The following PRR19 variants were observed in gnomAD, a reference collection of about 807,000 sequenced individuals.
The protein encoded by PRR19 is proline-rich protein 19.
Under a neutral mutation model 19.2 loss-of-function variants are expected in PRR19, and 9 were observed. The ratio of observed to expected loss-of-function variants is 0.47; its 90% CI spans 0.28 to 0.82. The LOEUF is 0.82. Ranked by LOEUF, PRR19 falls within the 40% of genes least tolerant of loss-of-function variation. The pLI is 0.11. For missense variants in PRR19, 457 were observed against 466.0 expected (o/e 0.98, Z 0.18); for synonymous variants, 190 against 191.0 (o/e 0.99, Z 0.04).
At chr19:42,306,981 G>A (rs1326497215) in intron 1 of PRR19, 1 of 152,298 alleles carries the variant, frequency 6.6e-6, no homozygotes, top group Admixed American at 6.5e-5. Context: ...AGCGCCAGGT[G>A]ACTTCGAGAG....
chr19:42,305,874 A>G (rs1024282537), intron 1 of PRR19, among the ~76,000 whole-genome samples: 2 of 152,106 alleles, frequency 1.3e-5, no homozygotes, highest in East Asian at 1.9e-4. Context: ...TCACAACACT[A>G]CACTAACTTT....
In PRR19 at chr19:42,302,213, C is replaced by T; in HGVS notation, c.-297C>T. Reference sequence around the variant, plus strand: ...CCCGCGCCCCCGGACTCCTCAATATCCCAGGTGGGAACGCTCACCAGGGAC... The same window carrying T: ...CCCGCGCCCCCGGACTCCTCAATATTCCAGGTGGGAACGCTCACCAGGGAC... On this transcript the variant is annotated 5_prime_UTR_variant, in exon 1 of 3. Coordinates refer to ENST00000341747, the MANE Select transcript of PRR19 (RefSeq NM_199285.3). 1 of 1,577,734 alleles carries T rather than the reference C, an allele frequency of 6.3e-7. No individual in the cohort carries two copies. Among genetic ancestry groups the T allele is most frequent in the Non-Finnish European group, 8.6e-7 (1 of 1,161,584 alleles).
chr19:42,302,147 T>A lies in PRR19; in HGVS notation c.-363T>A. 1.3e-6 allele frequency: 2 copies of A among 1,487,854 alleles called. No homozygotes were observed. Among genetic ancestry groups the A allele is most frequent in the Non-Finnish European group, 1.8e-6 (2 of 1,090,986 alleles). The allele number at this position is 1,487,854 out of a possible 1,614,324, so 92.2% of individuals were successfully genotyped here. On this transcript the variant is annotated 5_prime_UTR_variant, in exon 1 of 3. Transcript: ENST00000341747. Reference sequence around the variant, plus strand: ...AACTGCCCTCAGTTTCCCAATCAGGTAGTGAGAGTGGCACGAACCAGCCGT... The same window carrying A: ...AACTGCCCTCAGTTTCCCAATCAGGAAGTGAGAGTGGCACGAACCAGCCGT...
At chr19:42,307,795 T>C (rs921331993) in intron 1 of PRR19, among the ~76,000 whole-genome samples, 9 of 124,524 alleles carry the variant, frequency 7.2e-5, no homozygotes, top group Non-Finnish European at 1.1e-4. Context: ...TCTCGCTCGG[T>C]CATCCAGGCT....
At chr19:42,304,697 C>A (rs1448682255) in intron 1 of PRR19, among the ~76,000 whole-genome samples, 1 of 146,132 alleles carries the variant, frequency 6.8e-6, no homozygotes, top group East Asian at 2.1e-4. Flanking sequence ...TTGCAGTGAG[C>A]CGAGATGGCA....
intron 1 of PRR19, among the ~76,000 whole-genome samples, chr19:42,306,556 T>C (rs1413948743): frequency 6.6e-6 from 1 of 150,914 alleles, no homozygotes; most frequent in Non-Finnish European, 1.5e-5. Context: ...CTCCTGCCTC[T>C]GCCTCCCAAA....
Position 42,302,371 on chromosome 19 carries a change from A to C in PRR19, c.-139A>C. On this transcript the variant is annotated 5_prime_UTR_variant, in exon 1 of 3. Transcript: ENST00000341747. ...GTCGGCCCGGGAGTGTTCCGAACGG[A>C]GCTGGCTCCGCCACGCCCACTCCTA... 6.8e-7 allele frequency: 1 copy of C among 1,464,270 alleles called. No individual in the cohort carries two copies. Among genetic ancestry groups the C allele is most frequent in the Non-Finnish European group, 9.2e-7 (1 of 1,082,578 alleles). The allele number at this position is 1,464,270 out of a possible 1,614,324, so 90.7% of individuals were successfully genotyped here.
At position 42,302,184 on chromosome 19, in the gene PRR19, AC is replaced by A. The variant is rs776682968; in HGVS notation, c.-320del. 1.7e-5 allele frequency: 26 copies of A among 1,533,660 alleles called. No homozygotes were observed. Among genetic ancestry groups the A allele is most frequent in the Middle Eastern group, 1.7e-4 (1 of 5,976 alleles). On this transcript the variant is annotated 5_prime_UTR_variant, in exon 1 of 3. Coordinates refer to ENST00000341747, the MANE Select transcript of PRR19 (RefSeq NM_199285.3). The stretch of plus-strand genomic sequence containing the variant: ...CACGAACCAGCCGTTCTCCTGAGCC[AC>A]CCCCCGCGCCCCCGGACTCCTCAAT...
intron 1 of PRR19, among the ~76,000 whole-genome samples, chr19:42,308,390 CTTT>C (rs774768445): frequency 1.7e-5 from 2 of 119,312 alleles, no homozygotes; most frequent in Non-Finnish European, 3.5e-5. Context: ...CCGAATCCAG[CTTT>C]TTTTTTTTTT....
chr19:42,304,984 G>A (rs775941284), intron 1 of PRR19, among the ~76,000 whole-genome samples: 11 of 151,876 alleles, frequency 7.2e-5, no homozygotes, highest in Non-Finnish European at 1.6e-4. Flanking sequence ...GAGGTGGGCA[G>A]ATCACTTGGC....
chr19:42,303,062 T>TGGGG (rs534982041), intron 1 of PRR19, among the ~76,000 whole-genome samples: 7 of 115,216 alleles, frequency 6.1e-5, no homozygotes, highest in African/African-American at 2.2e-4. Flanking sequence ...CAAAACACCG[T>TGGGG]GGGTGTGTGT....
chr19:42,310,110 C>T lies in PRR19; in HGVS notation c.526C>T (p.His176Tyr). 1.9e-6 allele frequency: 3 copies of T among 1,614,090 alleles called. No individual in the cohort carries two copies. The highest frequency in any genetic ancestry group is 1.6e-4 in the Middle Eastern group (1 of 6,062). Residue 176 changes from histidine to tyrosine, a missense_variant, in exon 2 of 3, where the codon CAC becomes TAC. His to Tyr is a moderately conservative substitution (Grantham distance 83, BLOSUM62 2). Coordinates refer to ENST00000341747, the MANE Select transcript of PRR19 (RefSeq NM_199285.3). The part of the protein sequence containing the change: ...LIQDARDAIV[H>Y]TLQACHGCVP... ...TCAGGATGCCAGGGATGCCATCGTG[C>T]ACACCTTGCAGGCCTGTCATGGTTG...
rs570602740 is a variant in PRR19, at chr19:42,302,418, C to G, written c.-92C>G. 1.6e-5 allele frequency: 16 copies of G among 980,488 alleles called. No homozygotes were observed. Among genetic ancestry groups the G allele is most frequent in the Non-Finnish European group, 2.4e-5 (16 of 671,434 alleles). 60.7% of individuals were successfully genotyped at this position (980,488 alleles called of 1,614,324 possible). On this transcript the variant is annotated 5_prime_UTR_variant, in exon 1 of 3. Transcript: ENST00000341747. ...CCTACCCCTCGCGGCAACAAAGGACCGTCCCAACGCTAGCACACCCGCGGA... is the reference window on the plus strand; with the variant it reads ...CCTACCCCTCGCGGCAACAAAGGACGGTCCCAACGCTAGCACACCCGCGGA...
rs538608168 is a variant in PRR19 at position 42,308,308 on chromosome 19, C to T, written c.-6-1271C>T. On this transcript the variant is annotated intron_variant, in intron 1 of 2. Transcript: ENST00000341747. ...GTGATGCAATCATAGCTCAGAGTAA[C>T]CTCCAACTCCTGGGCTCAAGTGATC... Among the ~76,000 whole-genome samples, 96 of 152,086 alleles carry T rather than the reference C, an allele frequency of 6.3e-4. No homozygotes were observed. The South Asian group carries it at 8.9e-3, about 14-fold the overall frequency.
Position 42,310,502 on chromosome 19 carries a change from G to A in PRR19, c.833G>A (p.Gly278Asp). 7 of 1,614,166 alleles carry A rather than the reference G, an allele frequency of 4.3e-6. No homozygotes were observed. The highest frequency in any genetic ancestry group is 1.1e-5 in the South Asian group (1 of 91,080). Reference protein sequence around the residue: ...SLSSPSGTAWGPPTAFDLLKS... With the variant: ...SLSSPSGTAWDPPTAFDLLKS... ...TCTTCGCCATCTGGAACAGCCTGGG[G>A]TCCCCCAACAGCGTTTGACTTGTTA... The change falls in exon 3 of 3, where the codon GGT becomes GAT. Residue 278 changes from glycine to aspartate, a missense_variant. Coordinates refer to ENST00000341747, the MANE Select transcript of PRR19 (RefSeq NM_199285.3).
chr19:42,309,298 T>G (rs2038754035), intron 1 of PRR19: 1 of 239,966 alleles, frequency 4.2e-6, no homozygotes, highest in South Asian at 1.5e-4. Flanking sequence ...GGTCTCGAAC[T>G]CCTGACCTCA....
Position 42,309,077 on chromosome 19 carries a change from ATT to A in PRR19, c.-6-489_-6-488del, listed in dbSNP as rs999492218. On this transcript the variant is annotated intron_variant, in intron 1 of 2. Coordinates refer to ENST00000341747, the MANE Select transcript of PRR19 (RefSeq NM_199285.3). ...AGGCGTGCACCACCATGCCCAGCTAATTTTTTTTTTTTTTGAGATGGAGTCTT... is the reference window on the plus strand; with the variant it reads ...AGGCGTGCACCACCATGCCCAGCTAATTTTTTTTTTTTGAGATGGAGTCTT... 6 of 143,476 alleles carry A rather than the reference ATT, an allele frequency of 4.2e-5. No individual in the cohort carries two copies. The South Asian group carries it at 6.7e-4, about 16-fold the overall frequency. 8.9% of individuals were successfully genotyped at this position (143,476 alleles called of 1,614,324 possible).
At chr19:42,305,913 C>A (rs1432997229) in intron 1 of PRR19, among the ~76,000 whole-genome samples, 2 of 152,276 alleles carry the variant, frequency 1.3e-5, no homozygotes, top group East Asian at 3.9e-4. Flanking sequence ...TCTCTGTCAC[C>A]CAGGCTGGAA....
intron 1 of PRR19, chr19:42,308,995 C>G (rs1204103492): frequency 6.6e-6 from 1 of 152,244 alleles, no homozygotes; most frequent in Non-Finnish European, 1.5e-5. Context: ...ACTGCAACTT[C>G]TGCCTTCTGG....
Sources: allele counts gnomAD v4.1 joint callset (sites outside exome capture counted in the v4.1 genomes callset), GRCh38; gene constraint gnomAD v4.1.1; transcripts MANE v1.5; gene names NCBI Gene and HGNC (gene_info 2026-07-23, HGNC 2026-07-21).